Variants in GABRR3 observed in about 807,000 individuals in gnomAD.
The protein encoded by GABRR3 is gamma-aminobutyric acid receptor subunit rho-3.
Under a neutral mutation model 43.2 loss-of-function variants are expected in GABRR3, and 29 were observed. That is an observed-to-expected ratio of 0.67 (90% CI 0.50 to 0.92). The LOEUF is 0.92. Among genes scored for constraint, GABRR3 ranks in the 40% least tolerant of loss-of-function variants. The pLI is 0.00. For missense variants in GABRR3, 576 were observed against 572.3 expected (o/e 1.01, Z -0.07); for synonymous variants, 206 against 195.9 (o/e 1.05, Z -0.43).
chr3:98,001,841 C>CTTCT, intron 7 of GABRR3, 74 bp from the exon 8 acceptor site: 1 of 1,506,006 alleles, frequency 6.6e-7, no homozygotes, highest in Non-Finnish European at 9.2e-7. Context: ...AAATGACCTG[C>CTTCT]TTCTTTAGAC....
intron 8 of GABRR3, 94 bp from the exon 9 acceptor site, chr3:97,993,142 A>C: frequency 1.0e-6 from 1 of 987,386 alleles, no homozygotes; most frequent in Non-Finnish European, 1.4e-6. Flanking sequence ...TTCTAGAACA[A>C]TATCAACCTG....
intron 2 of GABRR3, 126 bp from the exon 3 acceptor site, chr3:98,025,805 A>G: frequency 1.7e-6 from 1 of 594,652 alleles, no homozygotes; most frequent in East Asian, 2.9e-5. Context: ...TCATTTTCTC[A>G]GTTCATATTA....
chr3:98,008,187 C>A (rs1706745941), intron 6 of GABRR3, among the ~76,000 whole-genome samples: 1 of 152,182 alleles, frequency 6.6e-6, no homozygotes, highest in Admixed American at 6.5e-5. Context: ...TATTTGTGTA[C>A]ATTCTCTTAG....
At chr3:98,025,246 A>T (rs578070109) in intron 3 of GABRR3, among the ~76,000 whole-genome samples, 4 of 152,350 alleles carry the variant, frequency 2.6e-5, no homozygotes, top group Admixed American at 2.0e-4. Flanking sequence ...ATATTCAATA[A>T]GATTTTATAA....
At chr3:98,029,529 T>TA (rs1707060212) in intron 2 of GABRR3, among the ~76,000 whole-genome samples, 1 of 152,026 alleles carries the variant, frequency 6.6e-6, no homozygotes, top group Non-Finnish European at 1.5e-5. Context: ...AGTGGAATGA[T>TA]AAAAAATCAT....
At chr3:97,987,743 T>A (rs1437048829) in intron 9 of GABRR3, among the ~76,000 whole-genome samples, 1 of 152,154 alleles carries the variant, frequency 6.6e-6, no homozygotes, top group Non-Finnish European at 1.5e-5. Flanking sequence ...ATGTTGTCCC[T>A]TTTTATTTTT....
intron 8 of GABRR3, among the ~76,000 whole-genome samples, chr3:97,993,735 C>A (rs529588583): frequency 6.6e-6 from 1 of 152,186 alleles, no homozygotes; most frequent in East Asian, 1.9e-4. Context: ...CATTCCCCTC[C>A]TTTCTCCTCC....
At chr3:98,022,359 C>G (rs920376294) in intron 3 of GABRR3, among the ~76,000 whole-genome samples, 8 of 152,134 alleles carry the variant, frequency 5.3e-5, no homozygotes, top group Admixed American at 1.3e-4. Flanking sequence ...AAGTAAAAAA[C>G]ACTGCAGTAG....
intron 7 of GABRR3, among the ~76,000 whole-genome samples, chr3:98,005,156 T>C (rs1576040977): frequency 6.6e-6 from 1 of 151,584 alleles, no homozygotes; most frequent in African/African-American, 2.4e-5. Flanking sequence ...AAAATACAAG[T>C]GTTTTTTGTA....
chr3:97,991,634 T>C (rs757313340), intron 9 of GABRR3, among the ~76,000 whole-genome samples: 2 of 152,204 alleles, frequency 1.3e-5, no homozygotes, highest in Non-Finnish European at 2.9e-5. Flanking sequence ...TGCAGTTCTG[T>C]TGGCTGAGAA....
Position 98,014,428 on chromosome 3 carries a change from T to A in GABRR3, c.307-1861A>T, listed in dbSNP as rs191679407. Among the ~76,000 whole-genome samples the A allele has an allele frequency of 4.1e-4, 63 of 152,296 alleles. 1 individual carries two copies. In the East Asian group the frequency reaches 0.012, roughly 29 times the overall value. On this transcript the variant is annotated intron_variant, in intron 4 of 9. Coordinates refer to ENST00000621172, the Ensembl canonical transcript of GABRR3. ...ATTCCAGGAAAGGGGAAATAAAAGC[T>A]TGTTCTCAGAGCACAACAGGCTTGG...
At chr3:98,027,394 T>C (rs531262586) in intron 2 of GABRR3, among the ~76,000 whole-genome samples, 1 of 152,340 alleles carries the variant, frequency 6.6e-6, no homozygotes, top group South Asian at 2.1e-4. Flanking sequence ...AAAATGGAAA[T>C]GTAACTATGA....
intron 2 of GABRR3, among the ~76,000 whole-genome samples, chr3:98,033,398 G>A (rs1157656710): frequency 1.3e-5 from 2 of 152,146 alleles, no homozygotes; most frequent in African/African-American, 4.8e-5. Flanking sequence ...ATCTAAAAAT[G>A]AGGCATTTAA....
intron 7 of GABRR3, among the ~76,000 whole-genome samples, chr3:98,006,363 A>G (rs1003752656): frequency 1.3e-5 from 2 of 152,250 alleles, no homozygotes; most frequent in Non-Finnish European, 1.5e-5. Flanking sequence ...ATTAAAATTG[A>G]GAGCATCATT....
At chr3:98,008,232 ATCCCC>A (rs1706746204) in intron 6 of GABRR3, among the ~76,000 whole-genome samples, 1 of 152,184 alleles carries the variant, frequency 6.6e-6, no homozygotes, top group Admixed American at 6.5e-5. Context: ...ACACCATAGC[ATCCCC>A]TCACTGTCAC....
rs935014090 is a variant in GABRR3 at position 98,002,941 on chromosome 3, A to G, written c.755-1174T>C. ...TTGGCCTAAGAAATACACCTGGCCAACCCACACTGAACTGGCAGACTCTAC... is the reference window on the plus strand; with the variant it reads ...TTGGCCTAAGAAATACACCTGGCCAGCCCACACTGAACTGGCAGACTCTAC... On this transcript the variant is annotated intron_variant, in intron 7 of 9. Transcript: ENST00000621172. 3.3e-5 allele frequency among the ~76,000 whole-genome samples: 5 copies of G among 152,092 alleles called. 1 individual carries two copies. In the South Asian group the frequency reaches 1.0e-3, roughly 32 times the overall value.
chr3:97,992,731 G>T lies in GABRR3; in HGVS notation c.1104+121C>A, dbSNP rs550098588. The stretch of plus-strand genomic sequence containing the variant: ...TAAATTGTCACCATACTGTCAACTT[G>T]CCTCTTGACAAGCATATGGACTTAA... On this transcript the variant is annotated intron_variant, in intron 9 of 9. Coordinates refer to ENST00000621172, the Ensembl canonical transcript of GABRR3. 9 of 829,678 alleles carry T rather than the reference G, an allele frequency of 1.1e-5. No homozygotes were observed. In the South Asian group the frequency reaches 2.5e-4, roughly 23 times the overall value. 51.4% of individuals were successfully genotyped at this position (829,678 alleles called of 1,614,324 possible). A position where few individuals can be genotyped will look rare whatever the true frequency, so the allele number is the denominator to read the frequency against.
At chr3:97,986,645 C>T, downstream of GABRR3, 1 of 1,355,002 alleles carries the variant, frequency 7.4e-7, no homozygotes, top group Non-Finnish European at 1.0e-6. Flanking sequence ...TTTTAAACAT[C>T]ATCTGGCTTT....
At chr3:97,997,972 C>G (rs956675599) in intron 8 of GABRR3, 2 of 152,042 alleles carry the variant, frequency 1.3e-5, no homozygotes, top group African/African-American at 2.4e-5. Flanking sequence ...CAAATTAGAA[C>G]TCTCTAACAG....
Sources: gnomAD v4.1 joint callset for allele counts (sites outside exome capture counted in the v4.1 genomes callset) on GRCh38, gnomAD v4.1.1 for gene constraint, MANE v1.5 for transcripts, NCBI Gene and HGNC (gene_info 2026-07-23, HGNC 2026-07-21) for gene names.